Variants in NCOA2 observed in about 807,000 individuals in gnomAD.
The protein encoded by NCOA2 is nuclear receptor coactivator 2, also known as class E basic helix-loop-helix protein 75.
NCOA2 carries 21 observed loss-of-function variants against 145.1 expected under a neutral mutation model. The observed-to-expected ratio is 0.14, with a 90% CI of 0.10 to 0.21. NCOA2 has a LOEUF of 0.21. Ranked by LOEUF, NCOA2 falls within the 10% of genes least tolerant of loss-of-function variation. The pLI is 1.00. For synonymous variants in NCOA2, 619 were observed against 637.5 expected, an observed-to-expected ratio of 0.97 and a Z score of 0.44; for missense variants, 1,472 against 1,837.6, an observed-to-expected ratio of 0.80 and a Z score of 3.64.
At chr8:70,416,400 T>A in the NCOA2 span, among the ~76,000 whole-genome samples, 1 of 152,158 alleles carries the variant, frequency 6.6e-6, no homozygotes, top group Non-Finnish European at 1.5e-5. Context: ...ATCCATGCAG[T>A]CTTCTTAAGC....
chr8:70,363,561 T>C (rs934220632), intron 1 of NCOA2, among the ~76,000 whole-genome samples: 2 of 152,072 alleles, frequency 1.3e-5, no homozygotes, highest in Non-Finnish European at 2.9e-5. Context: ...TATATGTGAA[T>C]AGATAAAACT....
chr8:70,290,246 G>T (rs942255834), intron 2 of NCOA2, among the ~76,000 whole-genome samples: 1 of 149,248 alleles, frequency 6.7e-6, no homozygotes, highest in Non-Finnish European at 1.5e-5. Context: ...GAGTGCAGTG[G>T]CGCGATTTCT....
intron 1 of NCOA2, among the ~76,000 whole-genome samples, chr8:70,335,231 C>A (rs1039104004): frequency 1.3e-5 from 2 of 150,460 alleles, no homozygotes; most frequent in African/African-American, 4.9e-5. Flanking sequence ...TCTGCTCACA[C>A]TGCCCCCCAT....
the NCOA2 span, among the ~76,000 whole-genome samples, chr8:70,447,294 A>AATAGCTGGATTGGGG: frequency 6.6e-6 from 1 of 152,192 alleles, no homozygotes; most frequent in African/African-American, 2.4e-5. Context: ...CAGAGCACAC[A>AATAGCTGGATTGGGG]ATAGCTGGAT....
intron 1 of NCOA2, among the ~76,000 whole-genome samples, chr8:70,339,658 G>T (rs183336741): frequency 6.6e-6 from 1 of 152,266 alleles, no homozygotes; most frequent in Admixed American, 6.5e-5. Context: ...AACAAAGCTG[G>T]AGGCATCACA....
chr8:70,218,239 A>T (rs1273068220), intron 2 of NCOA2, among the ~76,000 whole-genome samples: 1 of 149,608 alleles, frequency 6.7e-6, no homozygotes, highest in Non-Finnish European at 1.5e-5. Context: ...ATGTAAGCAG[A>T]ATGAAGAAAT....
intron 1 of NCOA2, among the ~76,000 whole-genome samples, chr8:70,353,846 C>T (rs958718587): frequency 6.6e-6 from 1 of 152,114 alleles, no homozygotes; most frequent in African/African-American, 2.4e-5. Context: ...TTTTAACTCC[C>T]CATTAAGACC....
At position 70,216,668 on chromosome 8, in the gene NCOA2, A is replaced by G; in HGVS notation, c.78T>C (p.Leu26=). ...CTCAGCAAGAATCTAACCTGGGTCC[A>G]AGTTGGTCAGGACATTCCTTGCGCT... ...TRKRKECPDQ[L]GPSPKRNTEK... Residue 26 remains leucine, a synonymous_variant, in exon 3 of 23, where the codon CTT becomes CTC. Transcript: ENST00000452400. 2 of 1,612,224 alleles carry G rather than the reference A, an allele frequency of 1.2e-6. No homozygotes were observed. Among genetic ancestry groups the G allele is most frequent in the Non-Finnish European group, 1.7e-6 (2 of 1,178,260 alleles).
Position 70,111,826 on chromosome 8 carries a change from C to A in NCOA2, c.*1806G>T, listed in dbSNP as rs1031390248. The A allele has an allele frequency of 3.6e-5, 8 of 219,922 alleles. No individual in the cohort carries two copies. The highest frequency in any genetic ancestry group is 1.7e-4 in the Admixed American group (3 of 17,304). The allele number at this position is 219,922 out of a possible 1,614,324, so 13.6% of individuals were successfully genotyped here. On this transcript the variant is annotated 3_prime_UTR_variant, in exon 23 of 23. Coordinates refer to ENST00000452400, the MANE Select transcript of NCOA2 (RefSeq NM_006540.4). ...AATCAAATTTCAAGGAAAAACTTCTCTGTTCCTAAAAAGCCTGGCTAATGA... is the reference window on the plus strand; with the variant it reads ...AATCAAATTTCAAGGAAAAACTTCTATGTTCCTAAAAAGCCTGGCTAATGA...
chr8:70,441,491 GA>G, the NCOA2 span, among the ~76,000 whole-genome samples: 3 of 141,412 alleles, frequency 2.1e-5, no homozygotes, highest in Non-Finnish European at 4.6e-5. Flanking sequence ...GCAAAGAAGG[GA>G]AAGAAAGAGA....
intron 2 of NCOA2, among the ~76,000 whole-genome samples, chr8:70,287,191 C>G (rs1426907972): frequency 6.6e-6 from 1 of 152,098 alleles, no homozygotes; most frequent in Non-Finnish European, 1.5e-5. Context: ...CTGCAGTGAG[C>G]TATGACTGCA....
intron 4 of NCOA2, among the ~76,000 whole-genome samples, chr8:70,204,704 G>A (rs546429525): frequency 1.5e-3 from 224 of 152,226 alleles, no homozygotes; most frequent in African/African-American, 5.2e-3. Flanking sequence ...CAAAACCGCT[G>A]CAGGTGGCTG....
chr8:70,217,845 C>A (rs1819771121), intron 2 of NCOA2, among the ~76,000 whole-genome samples: 1 of 152,102 alleles, frequency 6.6e-6, no homozygotes, highest in African/African-American at 2.4e-5. Flanking sequence ...CTGAAATCTG[C>A]ATTTAAAGTC....
At chr8:70,401,263 AAC>A (rs1434560833) in intron 1 of NCOA2, among the ~76,000 whole-genome samples, 5 of 152,338 alleles carry the variant, frequency 3.3e-5, no homozygotes, top group African/African-American at 1.2e-4. Context: ...ACGCGCAATA[AAC>A]AGTTAAAACC....
At chr8:70,435,182 T>A in the NCOA2 span, among the ~76,000 whole-genome samples, 1 of 151,550 alleles carries the variant, frequency 6.6e-6, no homozygotes, top group Admixed American at 6.6e-5. Flanking sequence ...TCCCAGCACT[T>A]TGGGAGGCCG....
At chr8:70,403,605 G>A (rs1814594829) in intron 1 of NCOA2, 95 bp downstream of exon 1, 2 of 324,808 alleles carry the variant, frequency 6.2e-6, no homozygotes, top group African/African-American at 2.4e-5. Flanking sequence ...CTCGGCGCAG[G>A]AAGGGCAGTC....
At chr8:70,359,314 C>T (rs1015023329) in intron 1 of NCOA2, among the ~76,000 whole-genome samples, 11 of 152,106 alleles carry the variant, frequency 7.2e-5, no homozygotes, top group African/African-American at 2.4e-4. Context: ...AAGGTAGCAA[C>T]AGCCAAAATG....
At chr8:70,195,950 A>G (rs1181458598) in intron 4 of NCOA2, among the ~76,000 whole-genome samples, 7 of 152,236 alleles carry the variant, frequency 4.6e-5, no homozygotes, top group Non-Finnish European at 8.8e-5. Flanking sequence ...AGGGGACATC[A>G]TTCATTGAAC....
At chr8:70,124,138 A>G in intron 20 of NCOA2, 56 bp from the exon 21 acceptor site, 1 of 1,520,914 alleles carries the variant, frequency 6.6e-7, no homozygotes, top group South Asian at 1.2e-5. Flanking sequence ...ATCCAGAGGC[A>G]GGCAGCTCAG....
Sources: allele counts gnomAD v4.1 joint callset (sites outside exome capture counted in the v4.1 genomes callset), GRCh38; gene constraint gnomAD v4.1.1; transcripts MANE v1.5; gene names NCBI Gene and HGNC (gene_info 2026-07-23, HGNC 2026-07-21).